The following RNLS variants were observed in gnomAD, a reference collection of about 807,000 sequenced individuals.
RNLS encodes renalase.
RNLS carries 39 observed loss-of-function variants against 39.8 expected under a neutral mutation model. The ratio of observed to expected loss-of-function variants is 0.98; its 90% CI spans 0.76 to 1.28. The LOEUF (loss-of-function observed/expected upper bound fraction) is 1.28. RNLS is among the 50% of genes most tolerant of loss of function. The probability of loss-of-function intolerance (pLI) is 0.00; values close to 1 mark genes in which losing one functional copy is unlikely to be tolerated. For missense variants in RNLS, 410 were observed against 413.3 expected (o/e 0.99, Z 0.07); for synonymous variants, 147 against 150.7 (o/e 0.98, Z 0.18).
At chr10:88,222,176 T>C in the RNLS span, among the ~76,000 whole-genome samples, 1 of 152,182 alleles carries the variant, frequency 6.6e-6, no homozygotes, top group Non-Finnish European at 1.5e-5. Context: ...GGTGGGTAGA[T>C]TCAAGTGGAT....
At chr10:88,400,611 C>G (rs1474029138) in intron 4 of RNLS, among the ~76,000 whole-genome samples, 1 of 151,910 alleles carries the variant, frequency 6.6e-6, no homozygotes, top group African/African-American at 2.4e-5. Flanking sequence ...TCTACTAGAC[C>G]ATATTTGTCA....
At chr10:88,310,072 G>A (rs945728380) in intron 6 of RNLS, among the ~76,000 whole-genome samples, 2 of 152,024 alleles carry the variant, frequency 1.3e-5, no homozygotes, top group East Asian at 1.9e-4. Context: ...AAAATTAGCC[G>A]CAGATGGGGT....
intron 4 of RNLS, among the ~76,000 whole-genome samples, chr10:88,374,086 C>T (rs1850778868): frequency 6.6e-6 from 1 of 151,418 alleles, no homozygotes; most frequent in Non-Finnish European, 1.5e-5. Flanking sequence ...AAAATAGGGG[C>T]AAAAAATAAT....
intron 6 of RNLS, among the ~76,000 whole-genome samples, chr10:88,298,578 A>G (rs937172726): frequency 2.0e-5 from 3 of 152,186 alleles, no homozygotes; most frequent in Admixed American, 2.0e-4. Context: ...TGCACTATAT[A>G]AGGAAAAGAT....
intron 6 of RNLS, among the ~76,000 whole-genome samples, chr10:88,301,253 AG>A (rs1372245024): frequency 6.6e-6 from 1 of 152,240 alleles, no homozygotes; most frequent in Non-Finnish European, 1.5e-5. Flanking sequence ...TTAAACTGTG[AG>A]TGTACATCCT....
Position 88,470,689 on chromosome 10 carries a change from C to G in RNLS, c.526+102214G>C, listed in dbSNP as rs887301499. On this transcript the variant is annotated intron_variant, in intron 4 of 6. Transcript: ENST00000331772. ...GGAGTGCTGTGGCACAATCTTGGCT[C>G]ACTGCAACCTCCACCTCCTGGATTC... 4.0e-5 allele frequency among the ~76,000 whole-genome samples: 6 copies of G among 149,218 alleles called. No individual in the cohort carries two copies. In the South Asian group the frequency reaches 1.3e-3, roughly 31 times the overall value.
intron 4 of RNLS, among the ~76,000 whole-genome samples, chr10:88,406,824 A>T (rs1312979805): frequency 1.3e-5 from 2 of 152,086 alleles, no homozygotes; most frequent in Non-Finnish European, 2.9e-5. Flanking sequence ...TCAATCAACA[A>T]GTGGATAAAG....
chr10:88,352,766 GA>G (rs1475545461), intron 5 of RNLS, among the ~76,000 whole-genome samples: 2 of 152,214 alleles, frequency 1.3e-5, no homozygotes, highest in Non-Finnish European at 2.9e-5. Context: ...AATAGTTTCA[GA>G]AGGAATGGTA....
At chr10:88,528,276 T>C (rs1430709148) in intron 4 of RNLS, among the ~76,000 whole-genome samples, 3 of 152,186 alleles carry the variant, frequency 2.0e-5, no homozygotes, top group African/African-American at 7.2e-5. Flanking sequence ...CAAATCAGTA[T>C]CTTTAGAAAT....
intron 4 of RNLS, among the ~76,000 whole-genome samples, chr10:88,561,873 A>G (rs762410506): frequency 1.1e-4 from 16 of 152,204 alleles, no homozygotes; most frequent in Non-Finnish European, 2.4e-4. Flanking sequence ...AGCATAGGAC[A>G]TGACTGGGAC....
chr10:88,272,756 T>A (rs1409002350), downstream of RNLS, among the ~76,000 whole-genome samples: 5 of 152,206 alleles, frequency 3.3e-5, no homozygotes, highest in Non-Finnish European at 4.4e-5. Flanking sequence ...TTCGTTTTTT[T>A]AAGATAGATA....
At chr10:88,471,752 T>C (rs970196995) in intron 4 of RNLS, among the ~76,000 whole-genome samples, 1 of 152,124 alleles carries the variant, frequency 6.6e-6, no homozygotes. Flanking sequence ...TGCAAGGTTT[T>C]TGTGGTCCCC....
the RNLS span, among the ~76,000 whole-genome samples, chr10:88,202,553 C>G: frequency 4.6e-5 from 7 of 152,332 alleles, no homozygotes; most frequent in East Asian, 1.3e-3. Flanking sequence ...CCCTGGTAGC[C>G]AGGGTCCTTC....
intron 4 of RNLS, among the ~76,000 whole-genome samples, chr10:88,401,980 T>C (rs1396572981): frequency 6.6e-6 from 1 of 151,942 alleles, no homozygotes; most frequent in African/African-American, 2.4e-5. Context: ...TTCCACACTA[T>C]GGAGAAACTC....
intron 4 of RNLS, among the ~76,000 whole-genome samples, chr10:88,445,042 G>A (rs541439476): frequency 7.2e-5 from 11 of 152,204 alleles, no homozygotes; most frequent in South Asian, 4.2e-4. Flanking sequence ...TGAAATGACC[G>A]AAAAAATGTT....
the RNLS span, among the ~76,000 whole-genome samples, chr10:88,198,737 C>G: frequency 6.6e-6 from 1 of 152,114 alleles, no homozygotes; most frequent in Non-Finnish European, 1.5e-5. Context: ...CTTCCCCTTC[C>G]ACCATGATTC....
At chr10:88,209,355 T>C in the RNLS span, among the ~76,000 whole-genome samples, 1 of 151,988 alleles carries the variant, frequency 6.6e-6, no homozygotes, top group East Asian at 1.9e-4. Flanking sequence ...GTGTCTCATA[T>C]AAAGAAGAGA....
intron 4 of RNLS, among the ~76,000 whole-genome samples, chr10:88,463,336 A>G (rs148312185): frequency 0.016 from 2,506 of 152,170 alleles, 84 homozygotes; most frequent in African/African-American, 0.057. Flanking sequence ...TCTACAAGCC[A>G]AAGAATGCCA....
At chr10:88,297,014 T>C (rs150073062) in intron 6 of RNLS, among the ~76,000 whole-genome samples, 1 of 152,336 alleles carries the variant, frequency 6.6e-6, no homozygotes, top group East Asian at 1.9e-4. Flanking sequence ...TTTTCATTTA[T>C]GGATGTGTAA....
Sources: allele counts gnomAD v4.1 joint callset (sites outside exome capture counted in the v4.1 genomes callset), GRCh38; gene constraint gnomAD v4.1.1; transcripts MANE v1.5; gene names NCBI Gene and HGNC (gene_info 2026-07-23, HGNC 2026-07-21).